Variants in TMEM223 observed in about 807,000 individuals in gnomAD.
The protein encoded by TMEM223 is transmembrane protein 223.
TMEM223 carries 14 observed loss-of-function variants against 14.1 expected under a neutral mutation model. The ratio of observed to expected loss-of-function variants is 0.99; its 90% confidence interval spans 0.66 to 1.55. The LOEUF (loss-of-function observed/expected upper bound fraction) is 1.55. Among genes scored for constraint, TMEM223 ranks in the 40% most tolerant of loss-of-function variants. The pLI is 0.00. For synonymous variants in TMEM223, 145 were observed against 120.5 expected, an observed-to-expected ratio of 1.20 and a Z score of -1.33; for missense variants, 346 against 269.9, an observed-to-expected ratio of 1.28 and a Z score of -1.97.
intron 2 of TMEM223, chr11:62,774,518 T>C (rs1430920145): frequency 4.4e-6 from 2 of 452,144 alleles, no homozygotes; most frequent in Non-Finnish European, 8.9e-6. Flanking sequence ...GTGGGGGCAA[T>C]GCCTGGGTGG....
chr11:62,775,556 C>A, intron 1 of TMEM223: 1 of 521,920 alleles, frequency 1.9e-6, no homozygotes, highest in Non-Finnish European at 3.4e-6. Context: ...CTGTGAACCC[C>A]AACACTTTGG....
At chr11:62,779,135 C>G (rs1218654944) in intron 1 of TMEM223, among the ~76,000 whole-genome samples, 4 of 152,002 alleles carry the variant, frequency 2.6e-5, no homozygotes, top group African/African-American at 9.7e-5. Flanking sequence ...ATTCTCCTGC[C>G]TCAGCCTCCT....
chr11:62,772,054 C>G (rs565315338), exon 3 of TMEM223: 4 of 455,806 alleles, frequency 8.8e-6, no homozygotes, highest in East Asian at 1.4e-4. Flanking sequence ...CTTGCTCCCC[C>G]TCCCTACTTA....
chr11:62,787,368 G>T (rs1032301861), downstream of TMEM223: 9 of 1,538,954 alleles, frequency 5.8e-6, no homozygotes, highest in African/African-American at 1.3e-4. Flanking sequence ...CGTGGGTCGC[G>T]CCGGATAAGG....
intron 1 of TMEM223, among the ~76,000 whole-genome samples, chr11:62,779,952 C>CTACATATATATATATATATATATA (rs1554996873): frequency 1.0e-5 from 1 of 100,062 alleles, no homozygotes; most frequent in South Asian, 3.3e-4. Flanking sequence ...AGGCGTGAGC[C>CTACATATATATATATATATATATA]TATATATATA....
chr11:62,776,106 G>A (rs1312843705), intron 1 of TMEM223, among the ~76,000 whole-genome samples: 5 of 152,216 alleles, frequency 3.3e-5, no homozygotes, highest in African/African-American at 4.8e-5. Flanking sequence ...CAGACAAAGC[G>A]CTTGCCAGGC....
chr11:62,787,417 G>C, downstream of TMEM223: 2 of 1,557,220 alleles, frequency 1.3e-6, no homozygotes, highest in Non-Finnish European at 1.7e-6. Context: ...GGCGCTTCCT[G>C]GTGGTCAGGG....
At chr11:62,782,466 G>A in intron 1 of TMEM223, 1 of 1,082,834 alleles carries the variant, frequency 9.2e-7, no homozygotes. Flanking sequence ...GAGCGTCCTA[G>A]CTGGTGTGCT....
chr11:62,788,578 C>T (rs1355298559), downstream of TMEM223, among the ~76,000 whole-genome samples: 3 of 151,726 alleles, frequency 2.0e-5, no homozygotes, highest in East Asian at 5.8e-4. Flanking sequence ...GTGGCGGGTG[C>T]CTGTAGTCCC....
At chr11:62,780,093 C>T (rs1438149851) in intron 1 of TMEM223, among the ~76,000 whole-genome samples, 5 of 147,766 alleles carry the variant, frequency 3.4e-5, no homozygotes, top group Admixed American at 6.8e-5. Flanking sequence ...CAGAGGTGGG[C>T]GGATCACTTG....
At chr11:62,781,074 A>G (rs1240473999) in intron 1 of TMEM223, among the ~76,000 whole-genome samples, 1 of 151,784 alleles carries the variant, frequency 6.6e-6, no homozygotes. Flanking sequence ...TGTCTCTACT[A>G]AAAATACAAA....
At chr11:62,782,073 TC>T (rs1415557951) in intron 1 of TMEM223, 1 of 1,587,332 alleles carries the variant, frequency 6.3e-7, no homozygotes, top group South Asian at 1.2e-5. Flanking sequence ...CTCCTGCCTG[TC>T]CCCTCATGTC....
At chr11:62,782,975 C>T, downstream of TMEM223, 1 of 1,199,254 alleles carries the variant, frequency 8.3e-7, no homozygotes, top group Non-Finnish European at 1.1e-6. Flanking sequence ...TGATACTTGA[C>T]TTTCTGAATG....
intron 2 of TMEM223, among the ~76,000 whole-genome samples, chr11:62,773,138 G>T (rs1374302634): frequency 1.4e-5 from 2 of 146,264 alleles, no homozygotes; most frequent in African/African-American, 2.5e-5. Context: ...ACCATGCCTG[G>T]CCTATAATTA....
At chr11:62,787,863 T>A (rs1321143269), downstream of TMEM223, 15 of 606,318 alleles carry the variant, frequency 2.5e-5, no homozygotes, top group East Asian at 5.3e-4. Context: ...ATCCGTTAAA[T>A]CAGAAGCCAT....
At position 62,790,801 on chromosome 11, in the gene TMEM223, C is replaced by G; in HGVS notation, c.431G>C (p.Gly144Ala). The G allele has an allele frequency of 6.2e-7, 1 of 1,606,702 alleles. No individual in the cohort carries two copies. Among genetic ancestry groups the G allele is most frequent in the South Asian group, 1.1e-5 (1 of 89,760 alleles). The change falls in exon 2 of 2, where the codon GGG becomes GCG. Residue 144 changes from glycine (G) to alanine (A), a missense_variant. Transcript: ENST00000307366. Reference protein sequence around the residue: ...TLTTHAPFGLGAHFTVPLKQV... With the variant: ...TLTTHAPFGLAAHFTVPLKQV... ...CTTCAAAGGAACTGTGAAATGGGCC[C>G]CCAAGCCAAAGGGGGCATGAGTGGT...
At chr11:62,772,088 G>GGA (rs1470767252) in exon 3 of TMEM223, 2 of 456,212 alleles carry the variant, frequency 4.4e-6, no homozygotes, top group East Asian at 1.4e-4. Context: ...TCATGATCTT[G>GGA]GAGAAGTCAT....
rs2084353533 is a variant in TMEM223 at position 62,790,885 on chromosome 11, A to G, written c.347T>C (p.Phe116Ser). 1 of 1,598,980 alleles carries G rather than the reference A, an allele frequency of 6.3e-7. No homozygotes were observed. The change falls in exon 2 of 2, where the codon TTC (phenylalanine) becomes TCC (serine). Residue 116 changes from phenylalanine to serine, a missense_variant. Transcript: ENST00000307366. ...CACTGAGCGCACAGACCGGAGAGAG[A>G]AGAGAAGACCAGCACCGAGTACGAG... ...GALVLGAGLL[F>S]SLRSVRSVVL...
At chr11:62,778,168 G>A (rs781673560) in intron 1 of TMEM223, 2 of 1,613,918 alleles carry the variant, frequency 1.2e-6, no homozygotes, top group South Asian at 2.2e-5. Flanking sequence ...GATGGGAGTT[G>A]GGCCGTGAAG....
Sources: allele counts gnomAD v4.1 joint callset (sites outside exome capture counted in the v4.1 genomes callset), GRCh38; gene constraint gnomAD v4.1.1; transcripts MANE v1.5; gene names NCBI Gene and HGNC (gene_info 2026-07-23, HGNC 2026-07-21).